ZBTB47: variants seen among roughly 807,000 people sequenced by gnomAD.
ZBTB47 encodes zinc finger and BTB domain containing 47, also known as zinc finger and BTB domain-containing protein 47.
A neutral mutation model predicts 56.6 loss-of-function variants in ZBTB47; 24 were observed. The ratio of observed to expected loss-of-function variants is 0.42; its 90% CI spans 0.31 to 0.60. The LOEUF (loss-of-function observed/expected upper bound fraction) is 0.60. ZBTB47 is among the 20% of genes least tolerant of loss of function. The pLI, the probability that ZBTB47 is intolerant of heterozygous loss-of-function variation, is 0.14. For missense variants in ZBTB47, 829 were observed against 1,032.6 expected, an observed-to-expected ratio of 0.80 and a Z score of 2.70; for synonymous variants, 414 against 418.9, an observed-to-expected ratio of 0.99 and a Z score of 0.14.
intron 1 of ZBTB47, among the ~76,000 whole-genome samples, chr3:42,655,812 C>G (rs1710635103): frequency 6.6e-6 from 1 of 152,234 alleles, no homozygotes; most frequent in African/African-American, 2.4e-5. Context: ...TAGGGCCCCC[C>G]AAGGGCCAAG....
chr3:42,659,486 G>A lies in ZBTB47; in HGVS notation c.1131G>A (p.Met377Ile). The change falls in exon 2 of 6, where the codon ATG becomes ATA. Residue 377 changes from methionine to isoleucine, a missense_variant. Around this residue, in one of 6 missense-constraint regions of ZBTB47, gnomAD observed 359 missense variants for 359.8 expected, o/e 1.00. Transcript: ENST00000232974. ...SRADPPPHSH[M>I]ATRSRENARR... Reference sequence around the variant, plus strand: ...CAGACCCCCCTCCCCACAGTCACATGGCCACACGGTCCCGGGAGAACGCCC... The same window carrying A: ...CAGACCCCCCTCCCCACAGTCACATAGCCACACGGTCCCGGGAGAACGCCC... The A allele has an allele frequency of 2.0e-5, 31 of 1,528,884 alleles. No homozygotes were observed. Among genetic ancestry groups the A allele is most frequent in the Non-Finnish European group, 2.7e-5 (31 of 1,141,966 alleles). 94.7% of individuals were successfully genotyped at this position (1,528,884 alleles called of 1,614,324 possible).
rs750027415 is a variant in ZBTB47, at chr3:42,659,547, C to T, written c.1192C>T (p.Arg398Trp). ...RGTPEPEEAGRRGGKRPKPPP... is the reference protein window; with the variant it reads ...RGTPEPEEAGWRGGKRPKPPP... ...TACCCCTGAACCTGAAGAAGCTGGG[C>T]GGCGGGGTGGGAAGAGGCCAAAGCC... The change falls in exon 2 of 6, where the codon CGG (arginine) becomes TGG (tryptophan). Residue 398 changes from arginine to tryptophan, a missense_variant. Around this residue, in one of 6 missense-constraint regions of ZBTB47, gnomAD observed 359 missense variants for 359.8 expected, o/e 1.00. Transcript: ENST00000232974. 30 of 1,573,242 alleles carry T rather than the reference C, an allele frequency of 1.9e-5. No homozygotes were observed. In the East Asian group the frequency reaches 2.5e-4, roughly 13 times the overall value.
At chr3:42,660,774 G>T (rs1431823237) in intron 2 of ZBTB47, among the ~76,000 whole-genome samples, 1 of 152,182 alleles carries the variant, frequency 6.6e-6, no homozygotes, top group Non-Finnish European at 1.5e-5. Context: ...TGCTCTAACT[G>T]CTGCGCACCT....
chr3:42,659,535 G>A lies in ZBTB47; in HGVS notation c.1180G>A (p.Glu394Lys). ...CCGGCGCCGGGGTACCCCTGAACCT[G>A]AAGAAGCTGGGCGGCGGGGTGGGAA... ...NARRRGTPEP[E>K]EAGRRGGKRP... is the part of the protein sequence containing the mutation. The change falls in exon 2 of 6, where the codon GAA becomes AAA. Residue 394 changes from glutamate (E) to lysine (K), a missense_variant. This residue lies in a region of ZBTB47 where 359 missense variants were observed against 359.8 expected (regional missense o/e 1.00). Coordinates refer to ENST00000232974, the MANE Select transcript of ZBTB47 (RefSeq NM_145166.4). The A allele has an allele frequency of 6.4e-7, 1 of 1,566,484 alleles. No homozygotes were observed. Among genetic ancestry groups the A allele is most frequent in the Non-Finnish European group, 8.6e-7 (1 of 1,157,630 alleles).
intron 5 of ZBTB47, 60 bp from the exon 6 acceptor site, chr3:42,664,177 C>A (rs1411620434): frequency 1.9e-6 from 3 of 1,591,008 alleles, no homozygotes; most frequent in South Asian, 1.1e-5. Flanking sequence ...CGGAGGCTGG[C>A]CCCAGACTGG....
intron 3 of ZBTB47, among the ~76,000 whole-genome samples, chr3:42,662,175 CT>C (rs1710729202): frequency 6.6e-6 from 1 of 152,206 alleles, no homozygotes; most frequent in African/African-American, 2.4e-5. Context: ...GGCTGCCCAC[CT>C]GCTGTATGTG....
intron 5 of ZBTB47, 70 bp from the exon 6 acceptor site, chr3:42,664,167 C>G: frequency 6.3e-7 from 1 of 1,578,808 alleles, no homozygotes; most frequent in Non-Finnish European, 8.6e-7. Context: ...CCATGGGAGA[C>G]GGAGGCTGGC....
At chr3:42,660,420 C>G (rs1258479515) in intron 2 of ZBTB47, among the ~76,000 whole-genome samples, 1 of 152,140 alleles carries the variant, frequency 6.6e-6, no homozygotes, top group Non-Finnish European at 1.5e-5. Flanking sequence ...TCCCATGGGC[C>G]TGGGAAAAAG....
At chr3:42,660,605 G>A (rs1338321789) in intron 2 of ZBTB47, among the ~76,000 whole-genome samples, 1 of 152,220 alleles carries the variant, frequency 6.6e-6, no homozygotes, top group African/African-American at 2.4e-5. Context: ...TCTGGCCCAG[G>A]AGAAGGGGGA....
At chr3:42,653,302 C>T (rs559459040), upstream of ZBTB47, among the ~76,000 whole-genome samples, 1 of 152,342 alleles carries the variant, frequency 6.6e-6, no homozygotes, top group East Asian at 1.9e-4. Context: ...GCCAGAGTTC[C>T]TGCCCACTCG....
At position 42,667,526 on chromosome 3, in the gene ZBTB47, C is replaced by T. The variant is rs1710803973; in HGVS notation, c.*2928C>T. ...CACCCCACAGCCCCAGAGCATGGGG[C>T]ACAGCAGGCATGCGAGTGAGAGGAT... On this transcript the variant is annotated 3_prime_UTR_variant, in exon 6 of 6. Transcript: ENST00000232974. 1.3e-5 allele frequency among the ~76,000 whole-genome samples: 2 copies of T among 152,206 alleles called. No homozygotes were observed. The highest frequency in any genetic ancestry group is 2.9e-5 in the Non-Finnish European group (2 of 68,022).
rs1710789216 is a variant in ZBTB47 at position 42,666,378 on chromosome 3, C to CA, written c.*1780_*1781insA. On this transcript the variant is annotated 3_prime_UTR_variant, in exon 6 of 6. Coordinates refer to ENST00000232974, the MANE Select transcript of ZBTB47 (RefSeq NM_145166.4). ...TCTGGTCAGGACCCCCACCCCAAGG[C>CA]TGGGGACTCCAGGCTCCTGCTTTAC... Among the ~76,000 whole-genome samples the CA allele has an allele frequency of 6.6e-6, 1 of 152,210 alleles. No individual in the cohort carries two copies. The highest frequency in any genetic ancestry group is 2.1e-4 in the South Asian group (1 of 4,830).
chr3:42,657,471 G>A (rs1710651874), intron 1 of ZBTB47, among the ~76,000 whole-genome samples: 1 of 152,224 alleles, frequency 6.6e-6, no homozygotes, highest in Admixed American at 6.5e-5. Context: ...GAGTGAGAGA[G>A]AGCTGCTGGG....
At chr3:42,661,366 C>T (rs1413104674) in intron 2 of ZBTB47, 119 bp from the exon 3 acceptor site, 6 of 1,193,738 alleles carry the variant, frequency 5.0e-6, no homozygotes, top group East Asian at 2.4e-5. Context: ...CTGTTGGCAT[C>T]AAGGGCTCTC....
At position 42,659,813 on chromosome 3, in the gene ZBTB47, C is replaced by G; in HGVS notation, c.1458C>G (p.Cys486Trp). ...TGCTGCTGCACAGGCAGACAGACTG[C>G]GAGCGCAACATCCAGGTGGGCCTCA... ...SELLLHRQTD[C>W]ERNIQCVTCG... Residue 486 changes from cysteine to tryptophan, a missense_variant, in exon 2 of 6, where the codon TGC becomes TGG. Cys to Trp is a radical substitution (Grantham distance 215). Transcript: ENST00000232974. 6.2e-7 allele frequency: 1 copy of G among 1,606,198 alleles called. No homozygotes were observed. The highest frequency in any genetic ancestry group is 8.5e-7 in the Non-Finnish European group (1 of 1,175,072).
intron 3 of ZBTB47, among the ~76,000 whole-genome samples, chr3:42,662,043 AC>A (rs1710728121): frequency 1.3e-5 from 2 of 152,086 alleles, no homozygotes; most frequent in South Asian, 4.1e-4. Flanking sequence ...ATTCTTTCTT[AC>A]CTTCTGGTCC....
rs950986455 is a variant in ZBTB47 at position 42,653,815 on chromosome 3, C to T, written c.-150C>T. On this transcript the variant is annotated 5_prime_UTR_variant, in exon 1 of 6. Transcript: ENST00000232974. ...GGCCAGTCACCTTAGATGATTTGAT[C>T]GCTGCGGTTGTAGTCCTGGGATTTA... 6.6e-6 allele frequency: 1 copy of T among 152,478 alleles called. No homozygotes were observed. Among genetic ancestry groups the T allele is most frequent in the African/African-American group, 2.4e-5 (1 of 41,472 alleles). 9.4% of individuals were successfully genotyped at this position (152,478 alleles called of 1,614,324 possible). A position where few individuals can be genotyped will look rare whatever the true frequency, so the allele number is the denominator to read the frequency against.
intron 2 of ZBTB47, among the ~76,000 whole-genome samples, chr3:42,660,255 T>C (rs966188448): frequency 6.6e-6 from 1 of 152,130 alleles, no homozygotes; most frequent in African/African-American, 2.4e-5. Flanking sequence ...TGTGTATAGT[T>C]TCACAGGTTG....
chr3:42,658,204 A>G (rs1287710696), intron 1 of ZBTB47, 71 bp from the exon 2 acceptor site: 2 of 1,407,052 alleles, frequency 1.4e-6, no homozygotes, highest in African/African-American at 2.9e-5. Context: ...CAATGCTGGG[A>G]GTGGTGCTGG....
Sources: gnomAD v4.1 joint callset for allele counts (sites outside exome capture counted in the v4.1 genomes callset) on GRCh38, gnomAD v4.1.1 for gene constraint, gnomAD v4.1.1 regional missense constraint, MANE v1.5 for transcripts, NCBI Gene and HGNC (gene_info 2026-07-23, HGNC 2026-07-21) for gene names.